TNPO3: variants seen among roughly 807,000 people sequenced by gnomAD.
TNPO3 encodes the protein transportin-3.
TNPO3 carries 65 observed loss-of-function variants against 122.8 expected under a neutral mutation model. The observed-to-expected ratio is 0.53, with a 90% CI of 0.43 to 0.65. The LOEUF (loss-of-function observed/expected upper bound fraction) is 0.65, where lower values mean the gene tolerates loss of function less well. Ranked by LOEUF, TNPO3 falls within the 30% of genes least tolerant of loss-of-function variation. The pLI is 0.00. For synonymous variants in TNPO3, 372 were observed against 411.2 expected, an observed-to-expected ratio of 0.90 and a Z score of 1.15; for missense variants, 850 against 1,136.7, an observed-to-expected ratio of 0.75 and a Z score of 3.63.
rs1298089474 is a variant in TNPO3, at chr7:128,986,770, G to A, written c.1649C>T (p.Ser550Phe). The A allele has an allele frequency of 1.2e-6, 2 of 1,614,038 alleles. No homozygotes were observed. The highest frequency in any genetic ancestry group is 8.5e-7 in the Non-Finnish European group (1 of 1,179,958). ...AGCAGCTTCTGGAGACAACAGGAAG[G>A]AATCGAGGGAGCGGGCAATCTCCAG... ...GLLEIARSLD[S>F]FLLSPEAAVG... The change falls in exon 12 of 23, where the codon TCC (serine) becomes TTC (phenylalanine). Residue 550 changes from serine (S) to phenylalanine (F), a missense_variant. Ser to Phe is a radical substitution (Grantham distance 155, BLOSUM62 -2). Transcript: ENST00000265388.
intron 4 of TNPO3, among the ~76,000 whole-genome samples, chr7:129,006,924 CA>C (rs147734440): frequency 6.6e-6 from 1 of 152,010 alleles, no homozygotes; most frequent in African/African-American, 2.4e-5. Flanking sequence ...CAAAACAAAA[CA>C]AAAAACCACC....
intron 1 of TNPO3, among the ~76,000 whole-genome samples, chr7:129,026,394 ATTTTTTTT>A (rs969403916): frequency 7.4e-5 from 7 of 94,714 alleles, no homozygotes; most frequent in East Asian, 3.0e-4. Context: ...TGACGTTTGA[ATTTTTTTT>A]TTTTTTTTTT....
At chr7:129,052,355 C>T (rs1187736918) in intron 1 of TNPO3, among the ~76,000 whole-genome samples, 1 of 152,168 alleles carries the variant, frequency 6.6e-6, no homozygotes, top group Non-Finnish European at 1.5e-5. Context: ...GCAGCCAACT[C>T]CATACTTTTC....
Position 129,046,945 on chromosome 7 carries a change from G to A in TNPO3, c.120+7706C>T, listed in dbSNP as rs116461281. Among the ~76,000 whole-genome samples, 1,068 of 152,208 alleles carry A rather than the reference G, an allele frequency of 7.0e-3. 18 individuals are homozygous for A. The highest frequency in any genetic ancestry group is 0.022 in the African/African-American group (928 of 41,520). ...TGGCCCCACCTTGCCACAAATCGGG[G>A]GGTATTATTACAAGGTGAGATGTGG... On this transcript the variant is annotated intron_variant, in intron 1 of 22. Coordinates refer to ENST00000265388, the MANE Select transcript of TNPO3 (RefSeq NM_012470.4).
chr7:129,026,018 C>A (rs1306866326), intron 1 of TNPO3, among the ~76,000 whole-genome samples: 1 of 150,928 alleles, frequency 6.6e-6, no homozygotes, highest in Non-Finnish European at 1.5e-5. Context: ...CCCAGCTACC[C>A]AGGAGGCTGA....
chr7:129,047,117 T>C (rs931017157), intron 1 of TNPO3, among the ~76,000 whole-genome samples: 1 of 152,250 alleles, frequency 6.6e-6, no homozygotes, highest in African/African-American at 2.4e-5. Flanking sequence ...CTTTGTGCTT[T>C]TGATGCTTTC....
At chr7:129,030,710 G>C (rs1046566012) in intron 1 of TNPO3, among the ~76,000 whole-genome samples, 1 of 151,882 alleles carries the variant, frequency 6.6e-6, no homozygotes, top group East Asian at 1.9e-4. Flanking sequence ...CTTTTCTTAA[G>C]AGTTGGGTTC....
chr7:129,049,769 A>G (rs1808480072), intron 1 of TNPO3, among the ~76,000 whole-genome samples: 1 of 152,232 alleles, frequency 6.6e-6, no homozygotes, highest in Non-Finnish European at 1.5e-5. Context: ...TAACTGTCTT[A>G]GCAGATCCGA....
intron 4 of TNPO3, 107 bp downstream of exon 4, chr7:129,014,872 A>C (rs1803652344): frequency 9.0e-7 from 1 of 1,111,482 alleles, no homozygotes; most frequent in Admixed American, 2.9e-5. Context: ...AAGCATCATC[A>C]TTAAATTTTG....
intron 5 of TNPO3, among the ~76,000 whole-genome samples, chr7:129,003,701 A>G (rs972809121): frequency 1.3e-5 from 2 of 152,168 alleles, no homozygotes; most frequent in African/African-American, 4.8e-5. Context: ...GAAAAAAAGT[A>G]GCATGATTTT....
chr7:129,037,996 A>G (rs1180790301), intron 1 of TNPO3, among the ~76,000 whole-genome samples: 3 of 152,214 alleles, frequency 2.0e-5, no homozygotes, highest in Non-Finnish European at 2.9e-5. Flanking sequence ...CAGAAATGCT[A>G]AAGACTAGGG....
chr7:128,966,021 T>C (rs1797895743), intron 21 of TNPO3, among the ~76,000 whole-genome samples: 1 of 152,218 alleles, frequency 6.6e-6, no homozygotes, highest in Non-Finnish European at 1.5e-5. Flanking sequence ...CATGAATATA[T>C]ACTTAACCCT....
intron 20 of TNPO3, among the ~76,000 whole-genome samples, chr7:128,969,058 ACCTGGTTTCTATT>A (rs1325536950): frequency 1.3e-5 from 2 of 152,216 alleles, no homozygotes; most frequent in African/African-American, 4.8e-5. Context: ...GTACATGGCT[ACCTGGTTTCTATT>A]CCTGTCCAAA....
chr7:128,957,809 G>A (rs1171654536), intron 21 of TNPO3, among the ~76,000 whole-genome samples: 1 of 152,100 alleles, frequency 6.6e-6, no homozygotes, highest in African/African-American at 2.4e-5. Context: ...TACAAAGGCC[G>A]GTCTAGCAAC....
At chr7:128,959,062 T>C (rs768425255) in intron 21 of TNPO3, among the ~76,000 whole-genome samples, 7 of 152,354 alleles carry the variant, frequency 4.6e-5, no homozygotes, top group Non-Finnish European at 1.0e-4. Context: ...GGAATTGCCA[T>C]TACCTCTGTG....
At chr7:129,019,766 G>A (rs1004156527) in intron 1 of TNPO3, among the ~76,000 whole-genome samples, 1 of 152,060 alleles carries the variant, frequency 6.6e-6, no homozygotes, top group Non-Finnish European at 1.5e-5. Context: ...GACAGAGGCG[G>A]GCAGATCACC....
At chr7:129,055,743 G>A (rs76823801), upstream of TNPO3, 645 of 326,132 alleles carry the variant, frequency 2.0e-3, no homozygotes, top group Middle Eastern at 6.7e-3. Context: ...CTTTCTGTCC[G>A]AATCCAATAC....
upstream of TNPO3, chr7:129,055,556 T>C (rs1027617601): frequency 6.2e-6 from 1 of 160,144 alleles, no homozygotes; most frequent in East Asian, 1.9e-4. Flanking sequence ...ACCTGAAATA[T>C]GTGCCACATT....
chr7:128,967,909 C>G (rs2128989325), intron 20 of TNPO3, among the ~76,000 whole-genome samples: 1 of 152,202 alleles, frequency 6.6e-6, no homozygotes, highest in African/African-American at 2.4e-5. Context: ...ATCAACATGC[C>G]TGGCTAATTA....
Sources: gnomAD v4.1 joint callset for allele counts (sites outside exome capture counted in the v4.1 genomes callset) on GRCh38, gnomAD v4.1.1 for gene constraint, MANE v1.5 for transcripts, NCBI Gene and HGNC (gene_info 2026-07-23, HGNC 2026-07-21) for gene names.